The following CELSR1 variants were observed in gnomAD, a reference collection of about 807,000 sequenced individuals.
CELSR1 encodes the protein adhesion G protein-coupled receptor C1.
CELSR1 carries 110 observed loss-of-function variants against 249.1 expected under a neutral mutation model. The ratio of observed to expected loss-of-function variants is 0.44; its 90% CI spans 0.38 to 0.52. The LOEUF is 0.52. Among genes scored for constraint, CELSR1 ranks in the 20% least tolerant of loss-of-function variants. The pLI, the probability that CELSR1 is intolerant of heterozygous loss-of-function variation, is 0.00. For synonymous variants in CELSR1, 2,113 were observed against 1,900.0 expected (o/e 1.11, Z -2.92); for missense variants, 4,109 against 4,296.4 (o/e 0.96, Z 1.22).
In CELSR1 at chr22:46,400,063, C is replaced by T. The variant is rs997641325; in HGVS notation, c.5227-161G>A. On this transcript the variant is annotated intron_variant, in intron 9 of 34. Coordinates refer to ENST00000674500, the MANE Select transcript of CELSR1 (RefSeq NM_001378328.1). ...AGGCAAAGTTGGCCAGGTGCGGTGG[C>T]TCAGGCCTGTAATCTCAGCATTTTG... is the stretch of plus-strand genomic sequence containing the variant. 7.1e-6 allele frequency: 5 copies of T among 702,024 alleles called. 1 individual carries two copies. The South Asian group carries it at 9.5e-5, about 13-fold the overall frequency. The allele number at this position is 702,024 out of a possible 1,614,324, so 43.5% of individuals were successfully genotyped here. A position where few individuals can be genotyped will look rare whatever the true frequency, so the allele number is the denominator to read the frequency against.
chr22:46,366,575 C>T, intron 29 of CELSR1, 95 bp from the exon 30 acceptor site: 1 of 1,017,858 alleles, frequency 9.8e-7, no homozygotes, highest in Non-Finnish European at 1.5e-6. Flanking sequence ...CCCCCCACAC[C>T]CACACCCTGG....
rs139528264 is a variant in CELSR1, at chr22:46,410,378, GC to G, written c.4933+19del. The G allele has an allele frequency of 0.063, 101,484 of 1,604,694 alleles. 3,903 individuals carry two copies. The highest frequency in any genetic ancestry group is 0.17 in the African/African-American group (12,976 of 74,880). On this transcript the variant is annotated intron_variant, in intron 7 of 34. Transcript: ENST00000674500. This position sits in a 1 kb window ranked among gnomAD's most constrained non-coding sequence, Gnocchi z 6.8. ...CAGATGCCACTGCGGCAGCTCCGAC[GC>G]CCTGACGGCCACCCGTACCTTCCCG...
chr22:46,406,973 G>A lies in CELSR1; in HGVS notation c.5226+2023C>T, dbSNP rs79471645. 0.02 allele frequency among the ~76,000 whole-genome samples: 3,001 copies of A among 152,334 alleles called. 40 individuals are homozygous for A. Among genetic ancestry groups the A allele is most frequent in the Middle Eastern group, 0.058 (17 of 294 alleles). The stretch of plus-strand genomic sequence containing the variant: ...GCGGAGGACACGCAGCCCAGACGCC[G>A]CTTTGGGAGGGACTTCCTGACCGCA... On this transcript the variant is annotated intron_variant, in intron 9 of 34. Transcript: ENST00000674500. The surrounding 1 kb of genome is among the most constrained non-coding windows in gnomAD (Gnocchi z 5.4).
chr22:46,367,091 C>T lies in CELSR1; in HGVS notation c.8107G>A (p.Val2703Met), dbSNP rs75983687. The change falls in exon 29 of 35, where the codon GTG becomes ATG. Residue 2703 changes from valine (V) to methionine (M), a missense_variant. This residue lies in a region of CELSR1 where 1,805 missense variants were observed against 1,831.6 expected (regional missense o/e 0.99). Transcript: ENST00000674500. ...TGCTTCCGGACCTCCTGGTTGAGCA[C>T]GCAGTGGAAAAGGAGGACGAAGGGG... ...QGPFVLLFHC[V>M]LNQEVRKHLK... 9,051 of 1,611,526 alleles carry T rather than the reference C, an allele frequency of 5.6e-3. 435 individuals are homozygous for T. The African/African-American group carries it at 0.1, about 18-fold the overall frequency.
At chr22:46,498,735 T>C (rs1367919721) in intron 1 of CELSR1, among the ~76,000 whole-genome samples, 1 of 151,834 alleles carries the variant, frequency 6.6e-6, no homozygotes, top group Non-Finnish European at 1.5e-5. Flanking sequence ...TGATAAAAGG[T>C]GGCATTTCAG....
intron 1 of CELSR1, among the ~76,000 whole-genome samples, chr22:46,509,306 T>C (rs4823833): frequency 0.67 from 101,402 of 151,890 alleles, 33,921 homozygotes; most frequent in East Asian, 0.77. Flanking sequence ...TCATCACGGC[T>C]TTCTACAGAT....
In CELSR1 at chr22:46,395,533, G is replaced by A. The variant is rs9615981; in HGVS notation, c.5843+1072C>T. ...CTCTCCACTCCCAGGGCACCTCCGC[G>A]GCGCTCTCCCTGGCATCACATCTTG... On this transcript the variant is annotated intron_variant, in intron 13 of 34. Transcript: ENST00000674500. This position sits in a 1 kb window ranked among gnomAD's most constrained non-coding sequence, Gnocchi z 5.5. Among the ~76,000 whole-genome samples the A allele has an allele frequency of 2.0e-5, 3 of 152,072 alleles. No homozygotes were observed. Among genetic ancestry groups the A allele is most frequent in the Non-Finnish European group, 2.9e-5 (2 of 67,982 alleles).
intron 1 of CELSR1, among the ~76,000 whole-genome samples, chr22:46,513,961 A>G (rs1433233176): frequency 6.6e-6 from 1 of 151,710 alleles, no homozygotes; most frequent in Non-Finnish European, 1.5e-5. Context: ...CACCCAGCTA[A>G]TTTTTGTATT....
At chr22:46,367,154 G>C in intron 28 of CELSR1, 36 bp from the exon 29 acceptor site, 1 of 1,599,294 alleles carries the variant, frequency 6.3e-7, no homozygotes, top group South Asian at 1.1e-5. Context: ...ACCTGCTGCT[G>C]CCTCCCTAGG....
rs1375256782 is a variant in CELSR1, at chr22:46,471,468, G to C, written c.3545-7123C>G. On this transcript the variant is annotated intron_variant, in intron 1 of 34. Coordinates refer to ENST00000674500, the MANE Select transcript of CELSR1 (RefSeq NM_001378328.1). This position sits in a 1 kb window ranked among gnomAD's most constrained non-coding sequence, Gnocchi z 4.9. The stretch of plus-strand genomic sequence containing the variant: ...GCAGTGGTGTGATTACTGCAGCCTT[G>C]AGCTTTGAGCTCCTGGGCTCAAGTG... Among the ~76,000 whole-genome samples, 3 of 152,092 alleles carry C rather than the reference G, an allele frequency of 2.0e-5. No individual in the cohort carries two copies. The highest frequency in any genetic ancestry group is 4.4e-5 in the Non-Finnish European group (3 of 68,026).
In CELSR1 at chr22:46,393,333, G is replaced by A. The variant is rs535137561; in HGVS notation, c.5964+809C>T. ...TCTGGAGACACGAGATGTGAGCTCC[G>A]TGCTGCATGCAGGTTAGGACTGACC... On this transcript the variant is annotated intron_variant, in intron 14 of 34. Transcript: ENST00000674500. The surrounding 1 kb of genome is among the most constrained non-coding windows in gnomAD (Gnocchi z 4.1). Among the ~76,000 whole-genome samples the A allele has an allele frequency of 7.6e-4, 116 of 152,352 alleles. 1 individual carries two copies. In the South Asian group the frequency reaches 0.022, roughly 29 times the overall value.
rs954743804 is a variant in CELSR1 at position 46,410,202 on chromosome 22, G to C, written c.4933+196C>G. On this transcript the variant is annotated intron_variant, in intron 7 of 34. Coordinates refer to ENST00000674500, the MANE Select transcript of CELSR1 (RefSeq NM_001378328.1). This position sits in a 1 kb window ranked among gnomAD's most constrained non-coding sequence, Gnocchi z 6.8. ...AGTGCCAAGGCAACCCCAAACTGCA[G>C]ATGCAGGAACTGCGGAGATGCACAT... Among the ~76,000 whole-genome samples the C allele has an allele frequency of 2.4e-4, 37 of 152,338 alleles. No homozygotes were observed. Among genetic ancestry groups the C allele is most frequent in the African/African-American group, 8.9e-4 (37 of 41,590 alleles).
At position 46,391,552 on chromosome 22, in the gene CELSR1, C is replaced by T. The variant is rs118143636; in HGVS notation, c.6148+81G>A. 19 of 1,423,876 alleles carry T rather than the reference C, an allele frequency of 1.3e-5. No individual in the cohort carries two copies. Among genetic ancestry groups the T allele is most frequent in the South Asian group, 4.3e-5 (3 of 69,118 alleles). 88.2% of individuals were successfully genotyped at this position (1,423,876 alleles called of 1,614,324 possible). A position where few individuals can be genotyped will look rare whatever the true frequency, so the allele number is the denominator to read the frequency against. Reference sequence around the variant, plus strand: ...AGCCCAGGGTCCCCCAAACACCCAGCGTGCATGCACACACGTGCACGCCAG... The same window carrying T: ...AGCCCAGGGTCCCCCAAACACCCAGTGTGCATGCACACACGTGCACGCCAG... On this transcript the variant is annotated intron_variant, in intron 15 of 34. Coordinates refer to ENST00000674500, the MANE Select transcript of CELSR1 (RefSeq NM_001378328.1). The surrounding 1 kb of genome is among the most constrained non-coding windows in gnomAD (Gnocchi z 4.3).
rs770140686 is a variant in CELSR1 at position 46,384,571 on chromosome 22, G to T, written c.6855C>A (p.Ala2285=). 2.5e-6 allele frequency: 4 copies of T among 1,612,810 alleles called. No individual in the cohort carries two copies. Among genetic ancestry groups the T allele is most frequent in the Non-Finnish European group, 8.5e-7 (1 of 1,179,492 alleles). Residue 2285 remains alanine (A), a synonymous_variant, in exon 20 of 35, where the codon GCC becomes GCA. Coordinates refer to ENST00000674500, the MANE Select transcript of CELSR1 (RefSeq NM_001378328.1). ...TTTCTTCAGGTGGTCTGAAGAAGTC[G>T]GCTGGGAAGGAGACGGAGGACTCCA... The part of the protein sequence containing the change: ...RELESSVSFP[A]DFFRPPEEKE...
chr22:46,513,627 G>A (rs757293978), intron 1 of CELSR1, among the ~76,000 whole-genome samples: 18 of 152,128 alleles, frequency 1.2e-4, no homozygotes, highest in Non-Finnish European at 2.4e-4. Flanking sequence ...AGGGATAGGA[G>A]TCCCAGCCCT....
chr22:46,393,047 G>A lies in CELSR1; in HGVS notation c.5964+1095C>T, dbSNP rs1262815266. Among the ~76,000 whole-genome samples the A allele has an allele frequency of 1.3e-5, 2 of 152,184 alleles. No homozygotes were observed. The highest frequency in any genetic ancestry group is 2.9e-5 in the Non-Finnish European group (2 of 68,034). ...CCATTTGCTGTTGGAACCACCGCAG[G>A]CACTGGGGGGGGACACTACTGACAT... On this transcript the variant is annotated intron_variant, in intron 14 of 34. Transcript: ENST00000674500. The surrounding 1 kb of genome is among the most constrained non-coding windows in gnomAD (Gnocchi z 4.1).
In CELSR1 at chr22:46,398,186, A is replaced by C. The variant is rs1208421888; in HGVS notation, c.5526+338T>G. ...GCTGGAACCCCTGGCTCCAGGGGAC[A>C]GGCACGGGGCCCACTTGGGTGACGT... On this transcript the variant is annotated intron_variant, in intron 11 of 34. Transcript: ENST00000674500. The surrounding 1 kb of genome is among the most constrained non-coding windows in gnomAD (Gnocchi z 7.2). 6.6e-6 allele frequency among the ~76,000 whole-genome samples: 1 copy of C among 151,806 alleles called. No individual in the cohort carries two copies. The highest frequency in any genetic ancestry group is 2.4e-5 in the African/African-American group (1 of 41,280).
intron 20 of CELSR1, among the ~76,000 whole-genome samples, chr22:46,382,699 T>C (rs976953287): frequency 6.6e-6 from 1 of 152,080 alleles, no homozygotes; most frequent in African/African-American, 2.4e-5. Context: ...ATCCGCACAA[T>C]GGAATATTAC....
intron 2 of CELSR1, among the ~76,000 whole-genome samples, chr22:46,459,778 CT>C: frequency 6.6e-6 from 1 of 152,332 alleles, no homozygotes; most frequent in Non-Finnish European, 1.5e-5. Context: ...GGGCTAGATG[CT>C]TTGATGTCTT....
Sources: gnomAD v4.1 joint callset for allele counts (sites outside exome capture counted in the v4.1 genomes callset) on GRCh38, gnomAD v4.1.1 for gene constraint, gnomAD v4.1.1 regional missense constraint, Gnocchi (gnomAD v3.1) non-coding constraint, MANE v1.5 for transcripts, NCBI Gene and HGNC (gene_info 2026-07-23, HGNC 2026-07-21) for gene names.